BICRAL: variants seen among roughly 807,000 people sequenced by gnomAD.
BICRAL encodes the protein BICRA like chromatin remodeling complex associated protein.
Under a neutral mutation model 91.8 loss-of-function variants are expected in BICRAL, and 8 were observed. The observed-to-expected ratio is 0.09, with a 90% confidence interval of 0.05 to 0.16. The LOEUF is 0.16. Among genes scored for constraint, BICRAL ranks in the 10% least tolerant of loss-of-function variants. The pLI, the probability that BICRAL is intolerant of heterozygous loss-of-function variation, is 1.00. For synonymous variants in BICRAL, 445 were observed against 491.1 expected (o/e 0.91, Z 1.24); for missense variants, 1,038 against 1,310.9 (o/e 0.79, Z 3.21).
At chr6:42,770,987 C>T (rs1030863575) in intron 1 of BICRAL, among the ~76,000 whole-genome samples, 3 of 152,220 alleles carry the variant, frequency 2.0e-5, no homozygotes, top group African/African-American at 4.8e-5. Flanking sequence ...CGGCCCTCCC[C>T]TCTCTGAACA....
At chr6:42,860,524 T>C (rs892178949) in intron 11 of BICRAL, among the ~76,000 whole-genome samples, 168 bp downstream of exon 11, 1 of 152,228 alleles carries the variant, frequency 6.6e-6, no homozygotes, top group Non-Finnish European at 1.5e-5. Context: ...GCAGTGAACA[T>C]TTGCTGTACT....
chr6:42,757,279 TCTCC>T (rs1442980550), intron 1 of BICRAL, among the ~76,000 whole-genome samples: 3 of 147,710 alleles, frequency 2.0e-5, no homozygotes, highest in African/African-American at 7.6e-5. Context: ...TGAGATGGAG[TCTCC>T]CTCTGTCACC....
rs200135334 is a variant in BICRAL, at chr6:42,802,746, C to CT, written c.-101-7552dup. ...ACAGGCAGGAGCCACCGTGCCTGGCCTTTTTTTTGTTTTTAATAGAGATGA... is the reference window on the plus strand; with the variant it reads ...ACAGGCAGGAGCCACCGTGCCTGGCCTTTTTTTTTGTTTTTAATAGAGATGA... On this transcript the variant is annotated intron_variant, in intron 1 of 12. Coordinates refer to ENST00000314073, the MANE Select transcript of BICRAL (RefSeq NM_001393499.1). Among the ~76,000 whole-genome samples the CT allele has an allele frequency of 6.9e-3, 1,045 of 151,702 alleles. 18 individuals are homozygous for CT. Among genetic ancestry groups the CT allele is most frequent in the African/African-American group, 0.024 (993 of 41,314 alleles).
intron 1 of BICRAL, among the ~76,000 whole-genome samples, chr6:42,797,709 C>T (rs1415756992): frequency 6.6e-6 from 1 of 152,176 alleles, no homozygotes; most frequent in Non-Finnish European, 1.5e-5. Flanking sequence ...TGCAGTGACT[C>T]ATACCTGTAA....
In BICRAL at chr6:42,760,148, G is replaced by C. The variant is rs1420090743; in HGVS notation, c.-261+13125G>C. ...TAATCCCAGCTACTCAGGAGGCTGA[G>C]GCAGGAGAATCACTGAACCTGGGAG... On this transcript the variant is annotated intron_variant, in intron 1 of 14. Coordinates refer to the BICRAL transcript ENST00000614467. Among the ~76,000 whole-genome samples, 4 of 152,104 alleles carry C rather than the reference G, an allele frequency of 2.6e-5. No individual in the cohort carries two copies. In the East Asian group the frequency reaches 7.7e-4, roughly 29 times the overall value.
chr6:42,793,019 A>G (rs1019814333), intron 1 of BICRAL, among the ~76,000 whole-genome samples: 2 of 150,110 alleles, frequency 1.3e-5, no homozygotes, highest in African/African-American at 4.9e-5. Flanking sequence ...CAGTGGCACA[A>G]TCTCAGCTCA....
intron 1 of BICRAL, among the ~76,000 whole-genome samples, chr6:42,802,210 C>G (rs1286658641): frequency 6.7e-6 from 1 of 149,640 alleles, no homozygotes; most frequent in African/African-American, 2.5e-5. Context: ...TTCATGCCAT[C>G]GTACTCCAGC....
At chr6:42,811,410 C>T (rs964311050) in intron 2 of BICRAL, among the ~76,000 whole-genome samples, 6 of 152,062 alleles carry the variant, frequency 3.9e-5, no homozygotes, top group East Asian at 1.9e-4. Flanking sequence ...ATCACGAGGT[C>T]GAGAGATCGA....
At chr6:42,753,404 G>A (rs905794775) in intron 1 of BICRAL, among the ~76,000 whole-genome samples, 2 of 152,064 alleles carry the variant, frequency 1.3e-5, no homozygotes, top group African/African-American at 4.8e-5. Context: ...GAGCCCACTA[G>A]TGGTGGGGGT....
chr6:42,815,763 G>A lies in BICRAL; in HGVS notation c.-6+5362G>A, dbSNP rs147325603. ...AGCACTTTGGGAGCCTGAGGTGGGC[G>A]GATCACCTGAGGTCAGGAGTTCGAG... is the stretch of plus-strand genomic sequence containing the variant. On this transcript the variant is annotated intron_variant, in intron 2 of 12. Transcript: ENST00000314073. Among the ~76,000 whole-genome samples the A allele has an allele frequency of 6.1e-3, 928 of 151,574 alleles. 11 individuals are homozygous for A. The highest frequency in any genetic ancestry group is 0.022 in the African/African-American group (897 of 41,380).
rs76238872 is a variant in BICRAL, at chr6:42,864,728, G to C, written c.2522G>C (p.Arg841Pro). Reference protein sequence around the residue: ...DKAAHETQFGRSDQHGSKASS... With the variant: ...DKAAHETQFGPSDQHGSKASS... ...GCTGCTCATGAGACACAGTTTGGCCGGAGTGACCAGCATGGCAGTAAAGCA... is the reference window on the plus strand; with the variant it reads ...GCTGCTCATGAGACACAGTTTGGCCCGAGTGACCAGCATGGCAGTAAAGCA... The change falls in exon 13 of 13, where the codon CGG becomes CCG. Residue 841 changes from arginine to proline, a missense_variant. By Grantham distance (103) the Arg-to-Pro change is moderately radical. Transcript: ENST00000314073. 3.7e-6 allele frequency: 6 copies of C among 1,614,064 alleles called. No homozygotes were observed. The highest frequency in any genetic ancestry group is 5.1e-6 in the Non-Finnish European group (6 of 1,179,976).
chr6:42,863,890 G>A (rs977521656), intron 12 of BICRAL, among the ~76,000 whole-genome samples: 4 of 152,050 alleles, frequency 2.6e-5, no homozygotes, highest in African/African-American at 7.2e-5. Context: ...TAGGCCAGGC[G>A]TGGTGGGTCA....
intron 1 of BICRAL, among the ~76,000 whole-genome samples, chr6:42,752,854 C>G (rs548949822): frequency 1.8e-3 from 277 of 151,080 alleles, no homozygotes; most frequent in African/African-American, 6.2e-3. Flanking sequence ...CCACCTGCCT[C>G]TGCTTCCCAA....
intron 8 of BICRAL, among the ~76,000 whole-genome samples, chr6:42,855,419 G>A (rs1765320422): frequency 6.6e-6 from 1 of 152,238 alleles, no homozygotes. Flanking sequence ...GTGCATACCT[G>A]TAGTCCCAGC....
At chr6:42,796,330 G>A (rs60416566) in intron 1 of BICRAL, among the ~76,000 whole-genome samples, 2,146 of 152,290 alleles carry the variant, frequency 0.014, 46 homozygotes, top group African/African-American at 0.049. Flanking sequence ...TGGAGGAAGG[G>A]CATTCCAGGC....
In BICRAL at chr6:42,860,325, A is replaced by C; in HGVS notation, c.2318A>C (p.Lys773Thr). The C allele has an allele frequency of 6.2e-7, 1 of 1,609,510 alleles. No homozygotes were observed. The highest frequency in any genetic ancestry group is 8.5e-7 in the Non-Finnish European group (1 of 1,176,052). ...AAAAGGACCCAAGCTATGCTTAACA[A>C]ATACAGATGCCTGCTCCTAGAAGAT... is the stretch of plus-strand genomic sequence containing the variant. ...LLKRTQAMLN[K>T]YRCLLLEDAM... The change falls in exon 11 of 13, where the codon AAA becomes ACA. Residue 773 changes from lysine (K) to threonine (T), a missense_variant. Lys to Thr is a moderately conservative substitution (Grantham distance 78). This residue lies in a region of BICRAL where 294 missense variants were observed against 292.6 expected (regional missense o/e 1.00). Coordinates refer to ENST00000314073, the MANE Select transcript of BICRAL (RefSeq NM_001393499.1).
chr6:42,815,986 A>C (rs1418759474), intron 2 of BICRAL, among the ~76,000 whole-genome samples: 2 of 135,664 alleles, frequency 1.5e-5, no homozygotes, highest in East Asian at 4.0e-4. Flanking sequence ...CTCTGTCTCA[A>C]AAAAAAAAAA....
chr6:42,782,333 T>G (rs1421990182), intron 1 of BICRAL, among the ~76,000 whole-genome samples: 1 of 139,728 alleles, frequency 7.2e-6, no homozygotes, highest in Non-Finnish European at 1.6e-5. Context: ...CTGTGTTTTT[T>G]TTTTTTTTTT....
intron 1 of BICRAL, among the ~76,000 whole-genome samples, chr6:42,782,741 G>A (rs1762956016): frequency 6.6e-6 from 1 of 151,702 alleles, no homozygotes; most frequent in South Asian, 2.1e-4. Flanking sequence ...TCCGCCCCCC[G>A]GAGCCGCCGG....
Sources: gnomAD v4.1 joint callset for allele counts (sites outside exome capture counted in the v4.1 genomes callset) on GRCh38, gnomAD v4.1.1 for gene constraint, gnomAD v4.1.1 regional missense constraint, MANE v1.5 for transcripts, NCBI Gene and HGNC (gene_info 2026-07-23, HGNC 2026-07-21) for gene names.